Variants in DTYMK observed in about 807,000 individuals in gnomAD.
DTYMK encodes the protein thymidylate kinase.
In DTYMK, 20 loss-of-function variants were observed where a neutral mutation model predicts 20.3. The ratio of observed to expected loss-of-function variants is 0.99; its 90% CI spans 0.69 to 1.43. The LOEUF (loss-of-function observed/expected upper bound fraction) is 1.43. Ranked by LOEUF, DTYMK falls within the 40% of genes most tolerant of loss-of-function variation. DTYMK has a pLI of 0.00. For synonymous variants in DTYMK, 148 were observed against 124.4 expected, an observed-to-expected ratio of 1.19 and a Z score of -1.27; for missense variants, 320 against 291.1, an observed-to-expected ratio of 1.10 and a Z score of -0.72.
chr2:241,678,781 G>A (rs199987295), intron 3 of DTYMK, 132 bp from the exon 4 acceptor site: 3 of 917,588 alleles, frequency 3.3e-6, no homozygotes, highest in African/African-American at 3.7e-5. Flanking sequence ...ATTGTGGCTC[G>A]TTTAATTTTT....
Position 241,685,757 on chromosome 2 carries a change from A to G in DTYMK, c.239+12T>C. 8 of 1,612,988 alleles carry G rather than the reference A, an allele frequency of 5.0e-6. No homozygotes were observed. Among genetic ancestry groups the G allele is most frequent in the Non-Finnish European group, 5.9e-6 (7 of 1,179,020 alleles). On this transcript the variant is annotated intron_variant, in intron 2 of 4. Transcript: ENST00000305784. ...GGCAAGGGCAGAGGGAGCAGTGTGC[A>G]ATGGTTTTTACACTTGTTCCCAGCG...
At chr2:241,677,106 C>G (rs527842553) in intron 4 of DTYMK, among the ~76,000 whole-genome samples, 29 of 152,382 alleles carry the variant, frequency 1.9e-4, no homozygotes, top group African/African-American at 6.7e-4. Flanking sequence ...ATCTCAGCGG[C>G]ATCCCGGCTT....
At chr2:241,677,660 G>T (rs371500746) in intron 4 of DTYMK, among the ~76,000 whole-genome samples, 1 of 152,252 alleles carries the variant, frequency 6.6e-6, no homozygotes, top group East Asian at 1.9e-4. Flanking sequence ...GTCGGGAGGA[G>T]CAGAGGCGGC....
chr2:241,678,421 G>A (rs780173163), intron 4 of DTYMK, 31 bp downstream of exon 4: 9 of 1,613,128 alleles, frequency 5.6e-6, no homozygotes, highest in African/African-American at 2.7e-5. Context: ...ACTTCTCCAC[G>A]CTTCCTAGTG....
intron 1 of DTYMK, 28 bp from the exon 2 acceptor site, chr2:241,685,905 G>C (rs1415580423): frequency 2.5e-6 from 4 of 1,604,478 alleles, no homozygotes; most frequent in East Asian, 2.2e-5. Flanking sequence ...CACACAAAAT[G>C]CAAGTGAGAT....
intron 3 of DTYMK, 70 bp from the exon 4 acceptor site, chr2:241,678,719 A>G: frequency 6.4e-7 from 1 of 1,556,848 alleles, no homozygotes; most frequent in Non-Finnish European, 8.8e-7. Flanking sequence ...TCGTAAAAAC[A>G]GGAAAAAATG....
At chr2:241,676,734 TGCA>T (rs1429260020) in intron 4 of DTYMK, among the ~76,000 whole-genome samples, 1 of 152,222 alleles carries the variant, frequency 6.6e-6, no homozygotes, top group Non-Finnish European at 1.5e-5. Flanking sequence ...AGTGCCCACT[TGCA>T]GGAGTGAGGC....
chr2:241,683,076 AC>A (rs1288106613), intron 2 of DTYMK, among the ~76,000 whole-genome samples: 2 of 152,058 alleles, frequency 1.3e-5, no homozygotes, highest in African/African-American at 4.8e-5. Flanking sequence ...CCTGGTTGAG[AC>A]CCTGTCCCAA....
At chr2:241,685,639 A>C in intron 2 of DTYMK, 130 bp downstream of exon 2, 1 of 968,446 alleles carries the variant, frequency 1.0e-6, no homozygotes, top group South Asian at 1.6e-5. Context: ...TGCCCACAGG[A>C]CTGCTAAACA....
chr2:241,680,009 A>G (rs1017546604), intron 3 of DTYMK, among the ~76,000 whole-genome samples: 5 of 152,154 alleles, frequency 3.3e-5, no homozygotes, highest in Admixed American at 6.6e-5. Flanking sequence ...ATATAATCCA[A>G]ATACCAACTA....
chr2:241,676,306 A>G, intron 4 of DTYMK, 69 bp from the exon 5 acceptor site: 2 of 1,449,350 alleles, frequency 1.4e-6, no homozygotes, highest in Non-Finnish European at 9.4e-7. Context: ...ACGGGAGCCC[A>G]CGCCTGTAAT....
At chr2:241,677,407 G>A (rs1274861186) in intron 4 of DTYMK, among the ~76,000 whole-genome samples, 1 of 152,256 alleles carries the variant, frequency 6.6e-6, no homozygotes, top group African/African-American at 2.4e-5. Flanking sequence ...TCCCACCTGC[G>A]TTCCGGGAAA....
intron 3 of DTYMK, 148 bp downstream of exon 3, chr2:241,680,081 C>G: frequency 1.5e-6 from 1 of 688,482 alleles, no homozygotes; most frequent in Non-Finnish European, 2.4e-6. Flanking sequence ...TTGATAAAAC[C>G]AAATTAATCT....
At position 241,676,227 on chromosome 2, in the gene DTYMK, G is replaced by A; in HGVS notation, c.539C>T (p.Ala180Val). ...ATGGACAGCTTCGATGCTTTTGGAA[G>A]CATCCACCATCTGTTCCCACCGGGG... The part of the protein sequence containing the change: ...DTTLNWKMVD[A>V]SKSIEAVHED... Residue 180 changes from alanine (A) to valine (V), a missense_variant, in exon 5 of 5, where the codon GCT becomes GTT. Physicochemically the swap from Ala to Val is moderately conservative, Grantham distance 64. Transcript: ENST00000305784. The A allele has an allele frequency of 6.2e-7, 1 of 1,611,504 alleles. No individual in the cohort carries two copies. Among genetic ancestry groups the A allele is most frequent in the Non-Finnish European group, 8.5e-7 (1 of 1,179,310 alleles).
chr2:241,678,147 G>A (rs1371231968), intron 4 of DTYMK, among the ~76,000 whole-genome samples: 1 of 152,116 alleles, frequency 6.6e-6, no homozygotes, highest in East Asian at 1.9e-4. Context: ...GCACGTGCCT[G>A]TAATCCCAGC....
rs1260641069 is a variant in DTYMK, at chr2:241,678,596, G to A, written c.384C>T (p.Asp128=). The part of the protein sequence containing the change: ...KQPDVGLPKP[D]LVLFLQLQLA... ...GCTGTAACTGGAGGAACAGGACCAG[G>A]TCGGGTTTGGGAAGGCCCACGTCTG... The change falls in exon 4 of 5, where the codon GAC becomes GAT. Residue 128 remains aspartate (D), a synonymous_variant. Transcript: ENST00000305784. The A allele has an allele frequency of 6.2e-7, 1 of 1,614,178 alleles. No individual in the cohort carries two copies. Among genetic ancestry groups the A allele is most frequent in the Non-Finnish European group, 8.5e-7 (1 of 1,180,044 alleles).
chr2:241,685,678 A>T, intron 2 of DTYMK, 91 bp downstream of exon 2: 2 of 1,339,666 alleles, frequency 1.5e-6, no homozygotes, highest in South Asian at 1.2e-5. Flanking sequence ...CACTACTGTC[A>T]CTGTCATTCA....
intron 2 of DTYMK, chr2:241,682,038 T>C: frequency 3.1e-6 from 1 of 321,154 alleles, no homozygotes; most frequent in Non-Finnish European, 6.1e-6. Context: ...AGCAAGACAT[T>C]TCTCCTAAAA....
chr2:241,680,285 T>C lies in DTYMK; in HGVS notation c.274A>G (p.Thr92Ala). The C allele has an allele frequency of 1.9e-6, 3 of 1,614,144 alleles. No individual in the cohort carries two copies. The highest frequency in any genetic ancestry group is 2.5e-6 in the Non-Finnish European group (3 of 1,180,022). Reference protein sequence around the residue: ...LIKEKLSQGVTLVVDRYAFSG... With the variant: ...LIKEKLSQGVALVVDRYAFSG... The stretch of plus-strand genomic sequence containing the variant: ...AATGCGTATCTGTCCACGACGAGGG[T>C]CACGCCCTGGCTCAACTTTTCCTTA... The change falls in exon 3 of 5, where the codon ACC becomes GCC. Residue 92 changes from threonine to alanine, a missense_variant. By Grantham distance (58) the Thr-to-Ala change is moderately conservative. Transcript: ENST00000305784.
Sources: allele counts gnomAD v4.1 joint callset (sites outside exome capture counted in the v4.1 genomes callset), GRCh38; gene constraint gnomAD v4.1.1; transcripts MANE v1.5; gene names NCBI Gene and HGNC (gene_info 2026-07-23, HGNC 2026-07-21).